The following RTN4 variants were observed in gnomAD, a reference collection of about 807,000 sequenced individuals.
RTN4 encodes reticulon 4, also known as reticulon-4.
Under a neutral mutation model 90.4 loss-of-function variants are expected in RTN4, and 32 were observed. The observed-to-expected ratio is 0.35, with a 90% CI of 0.27 to 0.48. The LOEUF is 0.48. Among genes scored for constraint, RTN4 ranks in the 20% least tolerant of loss-of-function variants. RTN4 has a pLI of 0.99. For missense variants in RTN4, 1,706 were observed against 1,430.2 expected (o/e 1.19, Z -3.11); for synonymous variants, 629 against 552.5 (o/e 1.14, Z -1.94).
chr2:55,008,876 T>C (rs991825049), intron 3 of RTN4, among the ~76,000 whole-genome samples: 3 of 152,170 alleles, frequency 2.0e-5, no homozygotes, highest in African/African-American at 7.2e-5. Context: ...AAAGCTACCA[T>C]ATATCAATTC....
At chr2:55,029,360 T>A (rs1256601028) in intron 1 of RTN4, among the ~76,000 whole-genome samples, 1 of 152,178 alleles carries the variant, frequency 6.6e-6, no homozygotes, top group African/African-American at 2.4e-5. Flanking sequence ...TAATATTAAC[T>A]TTGTACAATG....
At position 55,038,222 on chromosome 2, in the gene RTN4, C is replaced by G. The variant is rs1682822235; in HGVS notation, c.557-10002G>C. Among the ~76,000 whole-genome samples the G allele has an allele frequency of 3.3e-5, 5 of 151,932 alleles. No homozygotes were observed. The South Asian group carries it at 1.0e-3, about 32-fold the overall frequency. ...GTGTCTTCACAATCCTGGAAGGAGG[C>G]AAAGATGTCTTAGACATCACAAAGA... is the stretch of plus-strand genomic sequence containing the variant. On this transcript the variant is annotated intron_variant, in intron 1 of 8. Transcript: ENST00000337526.
chr2:55,065,157 G>A (rs1418292137), intron 2 of RTN4, among the ~76,000 whole-genome samples: 1 of 152,166 alleles, frequency 6.6e-6, no homozygotes, highest in Non-Finnish European at 1.5e-5. Flanking sequence ...CATTCTACGG[G>A]AGTTTTTTCA....
intron 1 of RTN4, among the ~76,000 whole-genome samples, chr2:55,098,607 C>G (rs1016547118): frequency 6.6e-6 from 1 of 152,078 alleles, no homozygotes; most frequent in African/African-American, 2.4e-5. Flanking sequence ...ACAATAATCT[C>G]TTAACATCAA....
chr2:55,068,054 T>A (rs1319445087), intron 2 of RTN4, among the ~76,000 whole-genome samples: 1 of 152,200 alleles, frequency 6.6e-6, no homozygotes, highest in East Asian at 1.9e-4. Flanking sequence ...AATCTGTTGT[T>A]TTGGTTGAAG....
At chr2:55,028,810 C>G (rs911909809) in intron 1 of RTN4, among the ~76,000 whole-genome samples, 1 of 151,782 alleles carries the variant, frequency 6.6e-6, no homozygotes, top group African/African-American at 2.4e-5. Context: ...AATTAACTGC[C>G]TTTAGGATGA....
intron 2 of RTN4, among the ~76,000 whole-genome samples, chr2:55,059,310 GT>G (rs35786539): frequency 0.59 from 88,731 of 150,232 alleles, 26,255 homozygotes; most frequent in East Asian, 0.7. Context: ...AGACTTAATT[GT>G]TTTTTTTTTT....
intron 2 of RTN4, among the ~76,000 whole-genome samples, chr2:55,062,146 C>T (rs1293750155): frequency 2.0e-5 from 3 of 152,066 alleles, no homozygotes; most frequent in Non-Finnish European, 4.4e-5. Context: ...CGACTTCCAG[C>T]GGAAAACCAT....
At chr2:55,066,420 C>T (rs1423873625) in intron 2 of RTN4, among the ~76,000 whole-genome samples, 6 of 151,878 alleles carry the variant, frequency 4.0e-5, no homozygotes, top group South Asian at 4.2e-4. Flanking sequence ...TTTGGCTGGG[C>T]GTGGTGGCTC....
intron 1 of RTN4, among the ~76,000 whole-genome samples, chr2:55,093,026 G>A (rs192406240): frequency 3.6e-4 from 55 of 152,322 alleles, no homozygotes; most frequent in African/African-American, 1.3e-3. Context: ...TAACCATTGT[G>A]TGTGTGTCTA....
chr2:55,136,690 T>C, the RTN4 span, among the ~76,000 whole-genome samples: 2 of 152,344 alleles, frequency 1.3e-5, no homozygotes, highest in African/African-American at 4.8e-5. Flanking sequence ...CTACTGCAAA[T>C]AAAGTAGCTA....
chr2:55,113,287 C>T (rs1668070036), upstream of RTN4, among the ~76,000 whole-genome samples: 1 of 152,202 alleles, frequency 6.6e-6, no homozygotes, highest in South Asian at 2.1e-4. Context: ...GCCTTGCTTA[C>T]CTGTAGAAGA....
intron 1 of RTN4, among the ~76,000 whole-genome samples, chr2:55,105,538 T>C (rs1018556699): frequency 1.3e-5 from 2 of 152,044 alleles, no homozygotes; most frequent in African/African-American, 4.8e-5. Context: ...TGAGATTGTT[T>C]TTCTAATTTA....
intron 1 of RTN4, among the ~76,000 whole-genome samples, chr2:55,081,310 C>G (rs1426028805): frequency 6.6e-6 from 1 of 151,990 alleles, no homozygotes; most frequent in Non-Finnish European, 1.5e-5. Context: ...CTCCTGGGCT[C>G]AAGTGATCCT....
intron 1 of RTN4, chr2:55,049,470 C>A: frequency 2.1e-6 from 1 of 487,488 alleles, no homozygotes; most frequent in South Asian, 2.8e-5. Flanking sequence ...TTCCGAGAAT[C>A]CGTACGCTGG....
chr2:54,977,152 G>C (rs1452099679), intron 5 of RTN4, among the ~76,000 whole-genome samples: 1 of 152,210 alleles, frequency 6.6e-6, no homozygotes, highest in Non-Finnish European at 1.5e-5. Context: ...TACTCTGGCA[G>C]TTCTGACCAT....
intron 2 of RTN4, among the ~76,000 whole-genome samples, chr2:55,074,517 C>CAAAAAAAAAA (rs778275041): frequency 3.4e-5 from 2 of 59,632 alleles, no homozygotes; most frequent in African/African-American, 1.2e-4. Flanking sequence ...CTGCCCTCAC[C>CAAAAAAAAAA]AAAAAAAAAA....
rs1209990164 is a variant in RTN4, at chr2:55,025,676, T to C, written c.2423A>G (p.Asp808Gly). The C allele has an allele frequency of 1.2e-6, 2 of 1,613,738 alleles. No individual in the cohort carries two copies. The highest frequency in any genetic ancestry group is 1.7e-6 in the Non-Finnish European group (2 of 1,179,838). ...AGGTAACAGGGTATCTTTTGTGTTA[T>C]CTAAACTGAGCTTAAAAGATTCCAA... Reference protein sequence around the residue: ...PYLESFKLSLDNTKDTLLPDE... With the variant: ...PYLESFKLSLGNTKDTLLPDE... Residue 808 changes from aspartate to glycine, a missense_variant, in exon 3 of 9, where the codon GAT (aspartate) becomes GGT (glycine). Asp to Gly is a moderately conservative substitution (Grantham distance 94). Transcript: ENST00000337526.
intron 1 of RTN4, among the ~76,000 whole-genome samples, chr2:55,091,304 G>T (rs537162092): frequency 6.6e-6 from 1 of 152,270 alleles, no homozygotes; most frequent in Non-Finnish European, 1.5e-5. Context: ...TCCATTCATA[G>T]GGTGTCATCC....
Sources: gnomAD v4.1 joint callset for allele counts (sites outside exome capture counted in the v4.1 genomes callset) on GRCh38, gnomAD v4.1.1 for gene constraint, MANE v1.5 for transcripts, NCBI Gene and HGNC (gene_info 2026-07-23, HGNC 2026-07-21) for gene names.